Variants in DNAH9 observed in about 807,000 individuals in gnomAD.
DNAH9 encodes DNAH9 variant protein.
A neutral mutation model predicts 471.6 loss-of-function variants in DNAH9; 345 were observed. The ratio of observed to expected loss-of-function variants is 0.73; its 90% CI spans 0.67 to 0.80. The LOEUF (loss-of-function observed/expected upper bound fraction) is 0.80. Ranked by LOEUF, DNAH9 falls within the 30% of genes least tolerant of loss-of-function variation. The pLI is 0.00. For missense variants in DNAH9, 5,407 were observed against 5,609.2 expected, an observed-to-expected ratio of 0.96 and a Z score of 1.15; for synonymous variants, 2,093 against 2,123.6, an observed-to-expected ratio of 0.99 and a Z score of 0.40.
At chr17:11,645,079 T>A (rs1328130082) in intron 11 of DNAH9, among the ~76,000 whole-genome samples, 2 of 152,206 alleles carry the variant, frequency 1.3e-5, no homozygotes, top group African/African-American at 4.8e-5. Flanking sequence ...TCCTGCATCA[T>A]TTTATTGAGA....
chr17:11,679,506 ATGTCG>A (rs1271913567), intron 17 of DNAH9, among the ~76,000 whole-genome samples: 1 of 152,160 alleles, frequency 6.6e-6, no homozygotes, highest in Non-Finnish European at 1.5e-5. Context: ...TTACATTTAG[ATGTCG>A]TGTCTCCTCC....
At chr17:11,943,266 T>C (rs1437774026) in intron 67 of DNAH9, among the ~76,000 whole-genome samples, 1 of 152,214 alleles carries the variant, frequency 6.6e-6, no homozygotes, top group East Asian at 1.9e-4. Flanking sequence ...GTATGGAACA[T>C]GCTGGTGCCT....
In DNAH9 at chr17:11,651,227, T is replaced by G; in HGVS notation, c.2256T>G (p.Thr752=). ...MANWYNKVMK[T]LLEVEFPLVE... Reference sequence around the variant, plus strand: ...ATTGGTACAACAAGGTTATGAAAACTCTGCTGGAGGTGGAATTTCCATTAG... The same window carrying G: ...ATTGGTACAACAAGGTTATGAAAACGCTGCTGGAGGTGGAATTTCCATTAG... The change falls in exon 13 of 69, where the codon ACT becomes ACG. Residue 752 remains threonine (T), a synonymous_variant. Coordinates refer to ENST00000262442, the MANE Select transcript of DNAH9 (RefSeq NM_001372.4). 2 of 1,614,072 alleles carry G rather than the reference T, an allele frequency of 1.2e-6. No homozygotes were observed. The highest frequency in any genetic ancestry group is 2.2e-5 in the South Asian group (2 of 91,070).
intron 42 of DNAH9, among the ~76,000 whole-genome samples, chr17:11,796,367 C>A (rs1307259307): frequency 6.6e-6 from 1 of 152,238 alleles, no homozygotes; most frequent in Non-Finnish European, 1.5e-5. Flanking sequence ...TATTGTCTGG[C>A]AAAGCCAGAA....
At chr17:11,696,067 C>G (rs1032126917) in intron 22 of DNAH9, among the ~76,000 whole-genome samples, 4 of 152,192 alleles carry the variant, frequency 2.6e-5, no homozygotes, top group African/African-American at 4.8e-5. Flanking sequence ...CTGTTCCTTT[C>G]ATGCCATAAC....
chr17:11,762,805 A>T (rs1967767923), intron 35 of DNAH9, among the ~76,000 whole-genome samples: 1 of 58,230 alleles, frequency 1.7e-5, no homozygotes, highest in African/African-American at 5.0e-5. Flanking sequence ...TTTGAGATGG[A>T]GTCTCACTCT....
chr17:11,902,937 C>T, intron 60 of DNAH9, 25 bp downstream of exon 60: 1 of 1,605,816 alleles, frequency 6.2e-7, no homozygotes, highest in Non-Finnish European at 8.5e-7. Flanking sequence ...GGTGGAAGGC[C>T]CAGCATAGGC....
At chr17:11,782,617 C>T (rs1306513798) in intron 39 of DNAH9, among the ~76,000 whole-genome samples, 2 of 152,200 alleles carry the variant, frequency 1.3e-5, no homozygotes, top group Non-Finnish European at 2.9e-5. Context: ...CATAAACAGG[C>T]TGGGTGCAGT....
At chr17:11,705,910 A>C (rs1314103188) in intron 26 of DNAH9, among the ~76,000 whole-genome samples, 3 of 152,166 alleles carry the variant, frequency 2.0e-5, no homozygotes, top group African/African-American at 7.2e-5. Context: ...TTTACAAAAC[A>C]CAAAGAAGTA....
chr17:11,672,614 G>A (rs73975047), intron 17 of DNAH9, among the ~76,000 whole-genome samples: 26,325 of 152,056 alleles, frequency 0.17, 2,376 homozygotes, highest in African/African-American at 0.21. Context: ...AGATCTTAGC[G>A]TCTGGCTCAG....
At position 11,871,730 on chromosome 17, in the gene DNAH9, A is replaced by G; in HGVS notation, c.10186A>G (p.Lys3396Glu). 1 of 1,596,888 alleles carries G rather than the reference A, an allele frequency of 6.3e-7. No homozygotes were observed. Among genetic ancestry groups the G allele is most frequent in the Non-Finnish European group, 8.6e-7 (1 of 1,165,604 alleles). ...TTCCTACCTTGGCTTCTTCACAAAG[A>G]AATACCGGCAGAGCCTCCTGGACAG... Reference protein sequence around the residue: ...FISYLGFFTKKYRQSLLDRTW... With the variant: ...FISYLGFFTKEYRQSLLDRTW... Residue 3396 changes from lysine to glutamate, a missense_variant, in exon 52 of 69, where the codon AAA becomes GAA. Around this residue, in one of 3 missense-constraint regions of DNAH9, gnomAD observed 4,636 missense variants for 4,900.3 expected, o/e 0.95. Transcript: ENST00000262442.
At position 11,752,748 on chromosome 17, in the gene DNAH9, G is replaced by A. The variant is rs909669580; in HGVS notation, c.6611-85G>A. 44 of 1,149,210 alleles carry A rather than the reference G, an allele frequency of 3.8e-5. 1 individual carries two copies. The highest frequency in any genetic ancestry group is 4.2e-4 in the Middle Eastern group (2 of 4,756). 71.2% of individuals were successfully genotyped at this position (1,149,210 alleles called of 1,614,324 possible). On this transcript the variant is annotated intron_variant, in intron 32 of 68. Coordinates refer to ENST00000262442, the MANE Select transcript of DNAH9 (RefSeq NM_001372.4). The stretch of plus-strand genomic sequence containing the variant: ...GTTCCATGTACGCCCCCTTCTGTGT[G>A]TTGTAGCTAAAGGGGGAAAGCTGTG...
chr17:11,655,899 T>C (rs565709868), intron 14 of DNAH9, among the ~76,000 whole-genome samples: 84 of 151,324 alleles, frequency 5.6e-4, no homozygotes, highest in Non-Finnish European at 1.0e-3. Flanking sequence ...TACATATATA[T>C]ACACACACAC....
intron 12 of DNAH9, among the ~76,000 whole-genome samples, chr17:11,648,790 T>C (rs1394149835): frequency 6.6e-6 from 1 of 152,114 alleles, no homozygotes; most frequent in African/African-American, 2.4e-5. Context: ...CCATCACACC[T>C]TGACATACAA....
intron 14 of DNAH9, among the ~76,000 whole-genome samples, chr17:11,662,728 T>TTGATCCTG (rs2073791454): frequency 1.4e-5 from 2 of 145,758 alleles, no homozygotes; most frequent in African/African-American, 5.0e-5. Context: ...ATGGATCACC[T>TTGATCCTG]TGATCCTGTT....
intron 44 of DNAH9, among the ~76,000 whole-genome samples, chr17:11,808,915 G>A (rs549274219): frequency 1.3e-4 from 20 of 152,320 alleles, no homozygotes; most frequent in Non-Finnish European, 2.8e-4. Flanking sequence ...AGGATGCGAT[G>A]AGAACCATTG....
intron 17 of DNAH9, among the ~76,000 whole-genome samples, chr17:11,677,539 A>G (rs2074067140): frequency 6.6e-6 from 1 of 152,192 alleles, no homozygotes; most frequent in African/African-American, 2.4e-5. Flanking sequence ...CCCTTCCATT[A>G]GAAGACATTT....
chr17:11,664,557 T>C (rs1056949835), intron 14 of DNAH9, among the ~76,000 whole-genome samples: 3 of 152,190 alleles, frequency 2.0e-5, no homozygotes, highest in African/African-American at 7.2e-5. Context: ...AGCACACACA[T>C]TGCATCCATC....
chr17:11,821,777 T>C, intron 45 of DNAH9, 143 bp from the exon 46 acceptor site: 2 of 835,588 alleles, frequency 2.4e-6, no homozygotes, highest in East Asian at 2.6e-5. Context: ...AGACATGGTG[T>C]CTGTCCAGCT....
Sources: gnomAD v4.1 joint callset for allele counts (sites outside exome capture counted in the v4.1 genomes callset) on GRCh38, gnomAD v4.1.1 for gene constraint, gnomAD v4.1.1 regional missense constraint, MANE v1.5 for transcripts, NCBI Gene and HGNC (gene_info 2026-07-23, HGNC 2026-07-21) for gene names.